The following GBE1 variants were observed in gnomAD, a reference collection of about 807,000 sequenced individuals.
GBE1 encodes the protein 1,4-alpha-glucan-branching enzyme.
Under a neutral mutation model 88.8 loss-of-function variants are expected in GBE1, and 70 were observed. The observed-to-expected ratio is 0.79, with a 90% CI of 0.65 to 0.96. GBE1 has a LOEUF of 0.96. Among genes scored for constraint, GBE1 ranks in the 40% least tolerant of loss-of-function variants. The probability of loss-of-function intolerance (pLI) is 0.00; values close to 1 mark genes in which losing one functional copy is unlikely to be tolerated. For missense variants in GBE1, 872 were observed against 871.0 expected (o/e 1.00, Z -0.01); for synonymous variants, 284 against 300.1 (o/e 0.95, Z 0.56).
At chr3:81,730,662 C>A (rs1467902634) in intron 1 of GBE1, among the ~76,000 whole-genome samples, 1 of 152,100 alleles carries the variant, frequency 6.6e-6, no homozygotes, top group East Asian at 1.9e-4. Context: ...AGAAAATATA[C>A]CAGAAAGCCT....
intron 7 of GBE1, among the ~76,000 whole-genome samples, chr3:81,634,502 T>C (rs1428618117): frequency 6.6e-6 from 1 of 152,210 alleles, no homozygotes; most frequent in Non-Finnish European, 1.5e-5. Context: ...TTGTGTGGCT[T>C]TCTTCACTGT....
At chr3:81,519,165 C>T (rs116198565) in intron 14 of GBE1, among the ~76,000 whole-genome samples, 221 of 151,760 alleles carry the variant, frequency 1.5e-3, no homozygotes, top group African/African-American at 5.2e-3. Context: ...AGCAATCACA[C>T]TGCAGTAAAT....
intron 15 of GBE1, among the ~76,000 whole-genome samples, chr3:81,497,791 A>G (rs1702537220): frequency 6.6e-6 from 1 of 152,142 alleles, no homozygotes; most frequent in African/African-American, 2.4e-5. Flanking sequence ...TGTGAGCTGA[A>G]TCATCTTTCC....
intron 7 of GBE1, among the ~76,000 whole-genome samples, chr3:81,616,061 T>C (rs1418050999): frequency 2.0e-5 from 3 of 152,172 alleles, no homozygotes; most frequent in Non-Finnish European, 2.9e-5. Flanking sequence ...ATATATTCTG[T>C]TTTCTTGCCA....
chr3:81,513,379 A>C (rs148561155), intron 14 of GBE1, among the ~76,000 whole-genome samples: 2 of 151,648 alleles, frequency 1.3e-5, no homozygotes, highest in East Asian at 3.9e-4. Flanking sequence ...AAGGACTGAA[A>C]GGAATCACTG....
At chr3:81,639,405 T>C (rs914010178) in intron 7 of GBE1, among the ~76,000 whole-genome samples, 2 of 152,066 alleles carry the variant, frequency 1.3e-5, no homozygotes, top group African/African-American at 4.8e-5. Flanking sequence ...AACAGAAATA[T>C]GGCTGAGTAA....
chr3:81,559,415 C>A (rs895173430), intron 12 of GBE1, among the ~76,000 whole-genome samples: 1 of 151,746 alleles, frequency 6.6e-6, no homozygotes, highest in Admixed American at 6.6e-5. Flanking sequence ...ATTATGTATC[C>A]TCCCTACCTA....
chr3:81,698,741 TCTA>T (rs963274486), intron 2 of GBE1, among the ~76,000 whole-genome samples: 1 of 152,148 alleles, frequency 6.6e-6, no homozygotes, highest in Non-Finnish European at 1.5e-5. Context: ...TAGACTATAG[TCTA>T]CTACCTGTGC....
At chr3:81,621,599 T>G (rs1180971485) in intron 7 of GBE1, among the ~76,000 whole-genome samples, 2 of 152,188 alleles carry the variant, frequency 1.3e-5, no homozygotes, top group Non-Finnish European at 2.9e-5. Flanking sequence ...CCACATCTTT[T>G]GTACCTACTA....
rs1491583586 is a variant in GBE1, at chr3:81,750,658, T to TAC, written c.143+10716_143+10717insGT. Among the ~76,000 whole-genome samples, 9 of 56,970 alleles carry TAC rather than the reference T, an allele frequency of 1.6e-4. 1 individual carries two copies. Among genetic ancestry groups the TAC allele is most frequent in the East Asian group, 4.2e-3 (2 of 476 alleles). The allele number at this position is 56,970 out of a possible 152,430, so 37.4% of individuals were successfully genotyped here. A position where few individuals can be genotyped will look rare whatever the true frequency, so the allele number is the denominator to read the frequency against. ...ATATATATATATGTATATATATATA[T>TAC]GTATATATATATATACGTATATATA... On this transcript the variant is annotated intron_variant, in intron 1 of 15. Transcript: ENST00000429644.
chr3:81,743,786 A>AT (rs1172291289), intron 1 of GBE1, among the ~76,000 whole-genome samples: 1 of 152,138 alleles, frequency 6.6e-6, no homozygotes, highest in Non-Finnish European at 1.5e-5. Flanking sequence ...TGCATTTAGC[A>AT]TTAAAAAAAG....
chr3:81,604,236 T>C (rs1051460837), intron 7 of GBE1, among the ~76,000 whole-genome samples: 3 of 151,704 alleles, frequency 2.0e-5, no homozygotes, highest in East Asian at 1.9e-4. Flanking sequence ...ATAATGTACA[T>C]AGAAAGCTAA....
At chr3:81,638,406 T>C (rs1441945837) in intron 7 of GBE1, among the ~76,000 whole-genome samples, 1 of 152,180 alleles carries the variant, frequency 6.6e-6, no homozygotes, top group Non-Finnish European at 1.5e-5. Context: ...CATTTGAAGA[T>C]TTAGTAATGG....
intron 11 of GBE1, among the ~76,000 whole-genome samples, chr3:81,578,691 T>C (rs908161872): frequency 6.6e-6 from 1 of 151,972 alleles, no homozygotes; most frequent in African/African-American, 2.4e-5. Flanking sequence ...CCTGAAAATA[T>C]AATAATTATT....
intron 2 of GBE1, among the ~76,000 whole-genome samples, chr3:81,684,416 G>C (rs2107134837): frequency 6.6e-6 from 1 of 152,278 alleles, no homozygotes; most frequent in East Asian, 1.9e-4. Context: ...TCTAAGATCA[G>C]GGTGGCAGCA....
chr3:81,619,553 G>A (rs1160343775), intron 7 of GBE1, among the ~76,000 whole-genome samples: 1 of 151,998 alleles, frequency 6.6e-6, no homozygotes, highest in Admixed American at 6.6e-5. Flanking sequence ...TTAATCAAGA[G>A]AAAATAAAAT....
chr3:81,591,898 A>G (rs1016587882), intron 8 of GBE1, among the ~76,000 whole-genome samples: 2 of 152,038 alleles, frequency 1.3e-5, no homozygotes, highest in African/African-American at 4.8e-5. Context: ...GATATTTTCA[A>G]GTATAATTAT....
chr3:81,687,650 T>C (rs189687094), intron 2 of GBE1, among the ~76,000 whole-genome samples: 2 of 152,274 alleles, frequency 1.3e-5, no homozygotes, highest in Admixed American at 6.5e-5. Flanking sequence ...CATGATTCCG[T>C]AGAAGCAGCA....
intron 15 of GBE1, 139 bp from the exon 16 acceptor site, chr3:81,490,602 A>G (rs1702423800): frequency 5.5e-6 from 4 of 724,488 alleles, no homozygotes; most frequent in Non-Finnish European, 9.6e-6. Context: ...AGCTCTTAGA[A>G]GGCTCAATTT....
Sources: gnomAD v4.1 joint callset for allele counts (sites outside exome capture counted in the v4.1 genomes callset) on GRCh38, gnomAD v4.1.1 for gene constraint, MANE v1.5 for transcripts, NCBI Gene and HGNC (gene_info 2026-07-23, HGNC 2026-07-21) for gene names.